Variants in RYR2 observed in about 807,000 individuals in gnomAD.
RYR2 encodes ryanodine receptor 2.
A neutral mutation model predicts 601.1 loss-of-function variants in RYR2; 227 were observed. The ratio of observed to expected loss-of-function variants is 0.38; its 90% CI spans 0.34 to 0.42. RYR2 has a LOEUF of 0.42. RYR2 is among the 10% of genes least tolerant of loss of function. The pLI is 1.00. For synonymous variants in RYR2, 2,223 were observed against 2,175.1 expected (o/e 1.02, Z -0.61); for missense variants, 4,646 against 6,156.5 (o/e 0.75, Z 8.21).
Position 237,177,039 on chromosome 1 carries a change from G to A in RYR2, c.49-93458G>A, listed in dbSNP as rs144579637. On this transcript the variant is annotated intron_variant, in intron 1 of 104. Transcript: ENST00000366574. Reference sequence around the variant, plus strand: ...ACTAGATCTTTTTGTAAACAAAAACGTTGACTTTAGTCTATGTTGTATTAC... The same window carrying A: ...ACTAGATCTTTTTGTAAACAAAAACATTGACTTTAGTCTATGTTGTATTAC... 3.8e-3 allele frequency among the ~76,000 whole-genome samples: 581 copies of A among 152,226 alleles called. 5 individuals carry two copies. Among genetic ancestry groups the A allele is most frequent in the African/African-American group, 0.013 (549 of 41,546 alleles).
At chr1:237,415,864 G>A (rs1461464336) in intron 10 of RYR2, among the ~76,000 whole-genome samples, 3 of 152,184 alleles carry the variant, frequency 2.0e-5, no homozygotes, top group Non-Finnish European at 2.9e-5. Flanking sequence ...ATTATTTTCA[G>A]AGTTGCATGT....
At chr1:237,625,359 G>A (rs1417224986) in intron 39 of RYR2, among the ~76,000 whole-genome samples, 1 of 152,150 alleles carries the variant, frequency 6.6e-6, no homozygotes, top group Admixed American at 6.6e-5. Flanking sequence ...CCAAGGGTTA[G>A]CCCAAATAGC....
At chr1:237,797,793 G>C (rs1239835001) in intron 96 of RYR2, among the ~76,000 whole-genome samples, 1 of 151,864 alleles carries the variant, frequency 6.6e-6, no homozygotes, top group Non-Finnish European at 1.5e-5. Flanking sequence ...ATCTTCTTTG[G>C]TATGACTCCC....
At chr1:237,221,848 A>G (rs1384502124) in intron 1 of RYR2, among the ~76,000 whole-genome samples, 2 of 152,188 alleles carry the variant, frequency 1.3e-5, no homozygotes, top group Non-Finnish European at 2.9e-5. Context: ...GCCTGGCCCT[A>G]GGGAAGGCTG....
At chr1:237,675,803 A>T (rs749919022) in intron 60 of RYR2, among the ~76,000 whole-genome samples, 1 of 152,052 alleles carries the variant, frequency 6.6e-6, no homozygotes, top group African/African-American at 2.4e-5. Flanking sequence ...CCTAAATGTG[A>T]TTAAAGATTT....
chr1:237,675,833 C>G (rs552880510), intron 60 of RYR2, among the ~76,000 whole-genome samples: 1 of 152,218 alleles, frequency 6.6e-6, no homozygotes, highest in East Asian at 1.9e-4. Context: ...GCATCTTTCT[C>G]ATAAACAATT....
intron 17 of RYR2, among the ~76,000 whole-genome samples, chr1:237,476,509 C>CAAAAAAAA (rs56116691): frequency 1.4e-5 from 1 of 70,192 alleles, no homozygotes. Flanking sequence ...GACTCTGTCT[C>CAAAAAAAA]AAAAAAAAAA....
At chr1:237,756,686 T>C (rs1435987429) in intron 81 of RYR2, among the ~76,000 whole-genome samples, 4 of 152,200 alleles carry the variant, frequency 2.6e-5, no homozygotes, top group Non-Finnish European at 4.4e-5. Context: ...CACGAGCTTT[T>C]TCTTTAAGGC....
intron 12 of RYR2, 117 bp downstream of exon 12, chr1:237,423,365 T>C: frequency 8.1e-7 from 1 of 1,230,866 alleles, no homozygotes; most frequent in African/African-American, 1.5e-5. Context: ...TTATGTGTAT[T>C]TCTAAATTCC....
At chr1:237,433,670 C>T (rs762444941) in intron 12 of RYR2, among the ~76,000 whole-genome samples, 11 of 152,136 alleles carry the variant, frequency 7.2e-5, no homozygotes, top group Non-Finnish European at 1.3e-4. Context: ...TTTTTCCCCA[C>T]CTCAGTGTTA....
chr1:237,634,506 T>A (rs1302915194), intron 43 of RYR2, among the ~76,000 whole-genome samples: 1 of 152,092 alleles, frequency 6.6e-6, no homozygotes, highest in Non-Finnish European at 1.5e-5. Flanking sequence ...TTCAGTTAGA[T>A]AGAAGGAATA....
intron 19 of RYR2, among the ~76,000 whole-genome samples, chr1:237,494,813 CAG>C (rs1410955447): frequency 1.2e-4 from 18 of 152,176 alleles, no homozygotes; most frequent in African/African-American, 3.9e-4. Flanking sequence ...TTTTTTGAGA[CAG>C]AGTCTTGCTC....
rs1693065294 is a variant in RYR2, at chr1:237,757,628, T to A, written c.11246-69T>A. ...TAATAATAATTTTAAAAGTGCAGCA[T>A]TGGAGGTAGAATAGGTTAATATAGA... On this transcript the variant is annotated intron_variant, in intron 81 of 104. Transcript: ENST00000366574. The A allele has an allele frequency of 4.1e-6, 4 of 977,694 alleles. No homozygotes were observed. The Admixed American group carries it at 6.8e-5, about 17-fold the overall frequency. 60.6% of individuals were successfully genotyped at this position (977,694 alleles called of 1,614,324 possible).
intron 1 of RYR2, among the ~76,000 whole-genome samples, chr1:237,061,569 G>C (rs966705005): frequency 6.6e-6 from 1 of 152,168 alleles, no homozygotes; most frequent in Non-Finnish European, 1.5e-5. Context: ...AAAGTGGTAG[G>C]ATTACAAATG....
intron 40 of RYR2, among the ~76,000 whole-genome samples, chr1:237,626,992 T>G (rs1400620680): frequency 1.3e-5 from 2 of 152,206 alleles, no homozygotes; most frequent in Non-Finnish European, 1.5e-5. Context: ...ATTTGCATTT[T>G]GTATTTGGTT....
In RYR2 at chr1:237,042,325, C is replaced by A; in HGVS notation, c.-197C>A. 2 of 319,018 alleles carry A rather than the reference C, an allele frequency of 6.3e-6. No individual in the cohort carries two copies. Among genetic ancestry groups the A allele is most frequent in the Non-Finnish European group, 1.0e-5 (2 of 192,074 alleles). The allele number at this position is 319,018 out of a possible 1,614,324, so 19.8% of individuals were successfully genotyped here. A position where few individuals can be genotyped will look rare whatever the true frequency, so the allele number is the denominator to read the frequency against. ...TGCGGAGCAGGGAGGCCCCGCGCCT[C>A]GACCACCCGCGCCCGAGCGTCCGCG... On this transcript the variant is annotated 5_prime_UTR_variant, in exon 1 of 105. Coordinates refer to ENST00000366574, the MANE Select transcript of RYR2 (RefSeq NM_001035.3).
intron 1 of RYR2, among the ~76,000 whole-genome samples, chr1:237,103,769 A>G (rs750965489): frequency 3.9e-5 from 6 of 152,094 alleles, no homozygotes; most frequent in Non-Finnish European, 8.8e-5. Context: ...GGGTTTTACC[A>G]TGTTGGCCAG....
At chr1:237,200,794 T>G (rs781487558) in intron 1 of RYR2, among the ~76,000 whole-genome samples, 1 of 152,224 alleles carries the variant, frequency 6.6e-6, no homozygotes, top group Non-Finnish European at 1.5e-5. Flanking sequence ...TAATTTTGAG[T>G]GCATATTTCT....
intron 1 of RYR2, among the ~76,000 whole-genome samples, chr1:237,246,963 CAGT>C (rs1158864469): frequency 6.6e-6 from 1 of 152,200 alleles, no homozygotes; most frequent in Non-Finnish European, 1.5e-5. Flanking sequence ...AGTTTCGTCT[CAGT>C]TACCACCTTA....
Sources: allele counts gnomAD v4.1 joint callset (sites outside exome capture counted in the v4.1 genomes callset), GRCh38; gene constraint gnomAD v4.1.1; transcripts MANE v1.5; gene names NCBI Gene and HGNC (gene_info 2026-07-23, HGNC 2026-07-21).